EPM2A: variants seen among roughly 807,000 people sequenced by gnomAD.
The protein encoded by EPM2A is EPM2A glucan phosphatase, laforin.
In EPM2A, 21 loss-of-function variants were observed where a neutral mutation model predicts 26.5. The observed-to-expected ratio is 0.79, with a 90% CI of 0.56 to 1.14. The LOEUF is 1.14. Ranked by LOEUF, EPM2A falls within the 50% of genes most tolerant of loss-of-function variation. The probability of loss-of-function intolerance (pLI) is 0.00; values close to 1 mark genes in which losing one functional copy is unlikely to be tolerated. For synonymous variants in EPM2A, 217 were observed against 177.6 expected (o/e 1.22, Z -1.76); for missense variants, 458 against 440.8 (o/e 1.04, Z -0.35).
chr6:145,465,067 T>C (rs1779371063), intron 4 of EPM2A, among the ~76,000 whole-genome samples: 1 of 152,130 alleles, frequency 6.6e-6, no homozygotes, highest in African/African-American at 2.4e-5. Context: ...TCCTGCAGAG[T>C]GTTTTCCAAC....
intron 4 of EPM2A, among the ~76,000 whole-genome samples, chr6:145,466,036 T>C (rs904677752): frequency 6.6e-6 from 1 of 151,984 alleles, no homozygotes; most frequent in African/African-American, 2.4e-5. Flanking sequence ...ATAAAAACCC[T>C]AGAAGAAAAC....
At position 145,667,524 on chromosome 6, in the gene EPM2A, G is replaced by C. The variant is rs974173578; in HGVS notation, c.476+18598C>G. Among the ~76,000 whole-genome samples, 7 of 151,070 alleles carry C rather than the reference G, an allele frequency of 4.6e-5. No homozygotes were observed. In the South Asian group the frequency reaches 6.2e-4, roughly 13 times the overall value. ...AAAAAGTCAGGAAACAACAGGTGCT[G>C]GAGAGGATGTGGAGAAATAGGAACA... On this transcript the variant is annotated intron_variant, in intron 2 of 3. Coordinates refer to ENST00000367519, the MANE Select transcript of EPM2A (RefSeq NM_005670.4).
intron 2 of EPM2A, among the ~76,000 whole-genome samples, chr6:145,569,261 G>A (rs140460710): frequency 1.3e-5 from 2 of 152,106 alleles, no homozygotes; most frequent in Non-Finnish European, 2.9e-5. Context: ...TCTTTCACTG[G>A]TACTACCATC....
chr6:145,597,647 G>A (rs570811205), intron 2 of EPM2A, among the ~76,000 whole-genome samples: 6 of 152,008 alleles, frequency 3.9e-5, no homozygotes, highest in South Asian at 2.1e-4. Context: ...ACATGTCATG[G>A]GGATGTGTTG....
intron 4 of EPM2A, among the ~76,000 whole-genome samples, chr6:145,471,984 G>T (rs1779479791): frequency 6.6e-6 from 1 of 150,988 alleles, no homozygotes; most frequent in Non-Finnish European, 1.5e-5. Flanking sequence ...AGCTCAGTTG[G>T]GTACTTTAAG....
chr6:145,710,043 G>C (rs1411441992), intron 1 of EPM2A, among the ~76,000 whole-genome samples: 2 of 152,106 alleles, frequency 1.3e-5, no homozygotes, highest in Non-Finnish European at 2.9e-5. Context: ...ATACCATTCA[G>C]GACATAGGCA....
At chr6:145,426,665 C>A (rs1778858022) in intron 4 of EPM2A, among the ~76,000 whole-genome samples, 1 of 150,298 alleles carries the variant, frequency 6.7e-6, no homozygotes, top group Non-Finnish European at 1.5e-5. Flanking sequence ...ACATCAAGTT[C>A]TTTTACACTG....
intron 4 of EPM2A, chr6:145,491,754 AG>A: frequency 1.9e-6 from 1 of 528,202 alleles, no homozygotes; most frequent in Non-Finnish European, 3.9e-6. Context: ...AGTAACTTCT[AG>A]CATTTGTACA....
chr6:145,672,021 A>G (rs1779678426), intron 2 of EPM2A, among the ~76,000 whole-genome samples: 1 of 152,184 alleles, frequency 6.6e-6, no homozygotes, highest in South Asian at 2.1e-4. Context: ...CTTTAATGCA[A>G]ATATCCATTC....
rs1390974973 is a variant in EPM2A at position 145,683,071 on chromosome 6, C to A, written c.476+3051G>T. On this transcript the variant is annotated intron_variant, in intron 2 of 3. Coordinates refer to ENST00000367519, the MANE Select transcript of EPM2A (RefSeq NM_005670.4). Reference sequence around the variant, plus strand: ...TGAAATATAAAATGCCTTTCTGACTCTTTTCTTTTAAACTGAATTCAGATT... The same window carrying A: ...TGAAATATAAAATGCCTTTCTGACTATTTTCTTTTAAACTGAATTCAGATT... Among the ~76,000 whole-genome samples, 3 of 152,090 alleles carry A rather than the reference C, an allele frequency of 2.0e-5. No individual in the cohort carries two copies. The East Asian group carries it at 5.8e-4, about 29-fold the overall frequency.
At chr6:145,394,184 C>T (rs984651783) in intron 4 of EPM2A, among the ~76,000 whole-genome samples, 2 of 152,262 alleles carry the variant, frequency 1.3e-5, no homozygotes, top group Non-Finnish European at 2.9e-5. Context: ...CTCTGCTCCT[C>T]TCCGTATGAT....
chr6:145,389,388 C>T (rs1428594926), intron 4 of EPM2A, among the ~76,000 whole-genome samples: 1 of 151,992 alleles, frequency 6.6e-6, no homozygotes, highest in East Asian at 1.9e-4. Flanking sequence ...GACGGGGTTT[C>T]ACCATGTTGG....
chr6:145,724,379 A>G (rs950254302), intron 1 of EPM2A, among the ~76,000 whole-genome samples: 20 of 152,178 alleles, frequency 1.3e-4, no homozygotes, highest in Non-Finnish European at 2.5e-4. Flanking sequence ...AAATCTAACA[A>G]AACTGGAGAA....
chr6:145,698,226 G>A (rs1376260777), intron 1 of EPM2A, among the ~76,000 whole-genome samples: 1 of 152,154 alleles, frequency 6.6e-6, no homozygotes, highest in East Asian at 1.9e-4. Flanking sequence ...TGAGAACATA[G>A]ACAAAGGTCC....
chr6:145,508,447 A>C (rs1353694756), intron 2 of EPM2A, among the ~76,000 whole-genome samples: 1 of 152,250 alleles, frequency 6.6e-6, no homozygotes, highest in Non-Finnish European at 1.5e-5. Context: ...CTTGAGGAAG[A>C]CACTGCATAT....
chr6:145,576,821 G>A (rs528387871), intron 2 of EPM2A, among the ~76,000 whole-genome samples: 13 of 152,008 alleles, frequency 8.6e-5, no homozygotes, highest in African/African-American at 3.1e-4. Flanking sequence ...ACAACAATTT[G>A]TTCAGAGATA....
At chr6:145,639,091 T>C (rs1776898428) in intron 2 of EPM2A, 1 of 152,194 alleles carries the variant, frequency 6.6e-6, no homozygotes, top group Non-Finnish European at 1.5e-5. Context: ...AGAATAAAAA[T>C]TCTCTGTAAG....
chr6:145,454,176 A>G (rs1224615827), intron 4 of EPM2A, among the ~76,000 whole-genome samples: 1 of 152,228 alleles, frequency 6.6e-6, no homozygotes, highest in Non-Finnish European at 1.5e-5. Flanking sequence ...CCTGTTTTCA[A>G]TAATATGGTA....
intron 2 of EPM2A, among the ~76,000 whole-genome samples, chr6:145,582,945 G>A (rs1781135213): frequency 6.6e-6 from 1 of 152,032 alleles, no homozygotes; most frequent in Non-Finnish European, 1.5e-5. Flanking sequence ...GGTCTATTCT[G>A]TTGTTAATTC....
Sources: allele counts gnomAD v4.1 joint callset (sites outside exome capture counted in the v4.1 genomes callset), GRCh38; gene constraint gnomAD v4.1.1; transcripts MANE v1.5; gene names NCBI Gene and HGNC (gene_info 2026-07-23, HGNC 2026-07-21).